The following PPP2R3A variants were observed in gnomAD, a reference collection of about 807,000 sequenced individuals.
PPP2R3A encodes serine/threonine-protein phosphatase 2A regulatory subunit B'' subunit alpha.
In PPP2R3A, 80 loss-of-function variants were observed where a neutral mutation model predicts 106.9. That is an observed-to-expected ratio of 0.75 (90% CI 0.62 to 0.90). PPP2R3A has a LOEUF of 0.90. PPP2R3A is among the 40% of genes least tolerant of loss of function. The probability of loss-of-function intolerance (pLI) is 0.00; values close to 1 mark genes in which losing one functional copy is unlikely to be tolerated. For missense variants in PPP2R3A, 1,386 were observed against 1,350.4 expected, an observed-to-expected ratio of 1.03 and a Z score of -0.41; for synonymous variants, 483 against 468.3, an observed-to-expected ratio of 1.03 and a Z score of -0.41.
At chr3:135,975,535 A>G (rs1396883553) in intron 1 of PPP2R3A, among the ~76,000 whole-genome samples, 1 of 152,224 alleles carries the variant, frequency 6.6e-6, no homozygotes, top group African/African-American at 2.4e-5. Flanking sequence ...AGATGAGCTG[A>G]TTTCCTAGAT....
intron 3 of PPP2R3A, among the ~76,000 whole-genome samples, chr3:136,027,451 C>T (rs1250827430): frequency 6.6e-6 from 1 of 152,110 alleles, no homozygotes; most frequent in African/African-American, 2.4e-5. Flanking sequence ...ACCCATTGAT[C>T]ATAACTGCCC....
chr3:136,135,201 A>G (rs1201090814), intron 13 of PPP2R3A, among the ~76,000 whole-genome samples: 1 of 152,168 alleles, frequency 6.6e-6, no homozygotes, highest in Non-Finnish European at 1.5e-5. Context: ...ACCGTTGTAT[A>G]TGAGAGGCTC....
At chr3:136,080,655 C>T (rs1265744478) in intron 7 of PPP2R3A, among the ~76,000 whole-genome samples, 1 of 152,180 alleles carries the variant, frequency 6.6e-6, no homozygotes, top group African/African-American at 2.4e-5. Flanking sequence ...TATTTTATCA[C>T]CCTTATACAA....
At chr3:136,123,498 C>T (rs773386701) in intron 13 of PPP2R3A, among the ~76,000 whole-genome samples, 3 of 151,930 alleles carry the variant, frequency 2.0e-5, no homozygotes, top group Admixed American at 6.6e-5. Flanking sequence ...TTAAAAGTAA[C>T]CCAAAAAAGT....
chr3:136,144,769 TTC>T lies in PPP2R3A; in HGVS notation c.3330-269_3330-268del, dbSNP rs1306068384. On this transcript the variant is annotated intron_variant, in intron 13 of 13. Transcript: ENST00000264977. ...TTTCTTTACCTAGCACCATCTGTAA[TTC>T]TCTCACTCCCACCAACCACCCTAGG... Among the ~76,000 whole-genome samples, 27 of 152,310 alleles carry T rather than the reference TTC, an allele frequency of 1.8e-4. 1 individual carries two copies. Among genetic ancestry groups the T allele is most frequent in the South Asian group, 8.3e-4 (4 of 4,824 alleles).
At chr3:136,061,926 CAAAAAAA>C (rs369373163) in intron 5 of PPP2R3A, among the ~76,000 whole-genome samples, 87 of 84,146 alleles carry the variant, frequency 1.0e-3, no homozygotes, top group African/African-American at 3.5e-3. Context: ...GACTCTATCT[CAAAAAAA>C]AAAAAAAAAA....
chr3:135,987,342 T>C (rs1484339261), intron 1 of PPP2R3A, among the ~76,000 whole-genome samples: 1 of 152,092 alleles, frequency 6.6e-6, no homozygotes. Context: ...CCTAGGGCAA[T>C]ATGAAGAGGC....
At chr3:136,090,031 A>T (rs963158309) in intron 9 of PPP2R3A, among the ~76,000 whole-genome samples, 2 of 152,162 alleles carry the variant, frequency 1.3e-5, no homozygotes, top group Non-Finnish European at 2.9e-5. Flanking sequence ...TTTTCTAGGT[A>T]TAGAATCATG....
At position 136,003,513 on chromosome 3, in the gene PPP2R3A, A is replaced by T. The variant is rs778509910; in HGVS notation, c.1995+20A>T. On this transcript the variant is annotated intron_variant, in intron 2 of 13. Coordinates refer to ENST00000264977, the MANE Select transcript of PPP2R3A (RefSeq NM_002718.5). The stretch of plus-strand genomic sequence containing the variant: ...ATCAAGGTAAGACCCAACAATTTTG[A>T]GTCCTAGGAACTCTTTAAAAAATGT... The T allele has an allele frequency of 1.3e-6, 2 of 1,540,794 alleles. No individual in the cohort carries two copies. The highest frequency in any genetic ancestry group is 1.8e-4 in the Middle Eastern group (1 of 5,714).
chr3:136,115,689 T>G (rs1386554017), intron 13 of PPP2R3A, among the ~76,000 whole-genome samples: 1 of 150,310 alleles, frequency 6.7e-6, no homozygotes, highest in Non-Finnish European at 1.5e-5. Context: ...ACAAGAAGAT[T>G]AGAGAAAAAA....
intron 10 of PPP2R3A, 126 bp from the exon 11 acceptor site, chr3:136,101,881 T>A: frequency 9.5e-7 from 1 of 1,057,876 alleles, no homozygotes; most frequent in Middle Eastern, 3.2e-4. Flanking sequence ...TAACAAACTT[T>A]GTAAAACTAT....
chr3:136,001,538 C>A lies in PPP2R3A; in HGVS notation c.40C>A (p.His14Asn). Residue 14 changes from histidine (H) to asparagine (N), a missense_variant, in exon 2 of 14, where the codon CAC (histidine) becomes AAC (asparagine). His to Asn is a moderately conservative substitution (Grantham distance 68). Transcript: ENST00000264977. ...CAGACTTGTGGTTAGTACTGTGAAC[C>A]ACTACAGCAGCGTGGTGATAGACCG... ...TYRLVVSTVN[H>N]YSSVVIDRRF... 6.2e-7 allele frequency: 1 copy of A among 1,614,110 alleles called. No homozygotes were observed. Among genetic ancestry groups the A allele is most frequent in the Non-Finnish European group, 8.5e-7 (1 of 1,179,994 alleles).
chr3:136,002,573 A>G lies in PPP2R3A; in HGVS notation c.1075A>G (p.Asn359Asp), dbSNP rs749952272. ...TATTGAATTGCAAAATGACAAGCCT[A>G]ATTCTAGGAAGATGGACACTGTACA... ...QTIELQNDKP[N>D]SRKMDTVQSI... Residue 359 changes from asparagine (N) to aspartate (D), a missense_variant, in exon 2 of 14, where the codon AAT (asparagine) becomes GAT (aspartate). Coordinates refer to ENST00000264977, the MANE Select transcript of PPP2R3A (RefSeq NM_002718.5). 1 of 1,613,956 alleles carries G rather than the reference A, an allele frequency of 6.2e-7. No individual in the cohort carries two copies. The highest frequency in any genetic ancestry group is 1.1e-5 in the South Asian group (1 of 91,060).
At chr3:136,106,547 T>A (rs1347863594) in intron 13 of PPP2R3A, 1 of 529,738 alleles carries the variant, frequency 1.9e-6, no homozygotes, top group Non-Finnish European at 3.3e-6. Context: ...CATCTTTCAC[T>A]GGAAACCGAG....
chr3:136,078,726 A>G lies in PPP2R3A; in HGVS notation c.2631+273A>G, dbSNP rs528092752. 2.0e-5 allele frequency among the ~76,000 whole-genome samples: 3 copies of G among 152,324 alleles called. No individual in the cohort carries two copies. In the East Asian group the frequency reaches 5.8e-4, roughly 29 times the overall value. ...AAACCTGACTTGATAAATTCCATAG[A>G]CATGGATAAAACGTACAGAGGCGGC... is the stretch of plus-strand genomic sequence containing the variant. On this transcript the variant is annotated intron_variant, in intron 7 of 13. Transcript: ENST00000264977.
chr3:136,022,452 A>C (rs1481815234), intron 2 of PPP2R3A, among the ~76,000 whole-genome samples: 1 of 152,184 alleles, frequency 6.6e-6, no homozygotes, highest in Non-Finnish European at 1.5e-5. Context: ...AGATCTGGAA[A>C]GATTTGGGTA....
chr3:136,133,197 AAGAC>A (rs1315819743), intron 13 of PPP2R3A, among the ~76,000 whole-genome samples: 4 of 152,166 alleles, frequency 2.6e-5, no homozygotes, highest in Non-Finnish European at 5.9e-5. Context: ...TGCTCTTCAG[AAGAC>A]ACCATTAAGA....
chr3:135,970,806 C>T (rs1937226533), intron 1 of PPP2R3A, among the ~76,000 whole-genome samples: 1 of 152,106 alleles, frequency 6.6e-6, no homozygotes, highest in African/African-American at 2.4e-5. Flanking sequence ...GGATGTAGGT[C>T]AATGGTGTCT....
intron 2 of PPP2R3A, among the ~76,000 whole-genome samples, chr3:136,025,114 T>G (rs188280059): frequency 1.1e-4 from 16 of 152,306 alleles, no homozygotes; most frequent in African/African-American, 3.8e-4. Context: ...GTCATTCATC[T>G]TCTTACATGA....
Sources: gnomAD v4.1 joint callset for allele counts (sites outside exome capture counted in the v4.1 genomes callset) on GRCh38, gnomAD v4.1.1 for gene constraint, MANE v1.5 for transcripts, NCBI Gene and HGNC (gene_info 2026-07-23, HGNC 2026-07-21) for gene names.